The following QTMAN variants were observed in gnomAD, a reference collection of about 807,000 sequenced individuals.
QTMAN encodes the protein tRNA-queuosine alpha-mannosyltransferase.
At chr2:144,174,502 T>C in the QTMAN span, among the ~76,000 whole-genome samples, 1 of 152,196 alleles carries the variant, frequency 6.6e-6, no homozygotes, top group African/African-American at 2.4e-5. Context: ...TTACTTCATA[T>C]TGGTTGGAAC....
At chr2:144,078,588 A>C in the QTMAN span, among the ~76,000 whole-genome samples, 1 of 152,198 alleles carries the variant, frequency 6.6e-6, no homozygotes, top group Non-Finnish European at 1.5e-5. Flanking sequence ...CTGCAAGTCA[A>C]AGGGTAGAAA....
At chr2:144,267,213 CT>C in the QTMAN span, among the ~76,000 whole-genome samples, 3 of 152,128 alleles carry the variant, frequency 2.0e-5, no homozygotes, top group African/African-American at 7.2e-5. Context: ...TATGATTTAT[CT>C]GTGATACAAA....
chr2:143,950,468 G>T, the QTMAN span, among the ~76,000 whole-genome samples: 1 of 151,650 alleles, frequency 6.6e-6, no homozygotes, highest in South Asian at 2.1e-4. Flanking sequence ...ATTTGCAGAG[G>T]TTTAAAATTT....
chr2:143,999,283 C>T, the QTMAN span, among the ~76,000 whole-genome samples: 1 of 151,950 alleles, frequency 6.6e-6, no homozygotes, highest in African/African-American at 2.4e-5. Flanking sequence ...GGGATTAACA[C>T]TTCACCAGAA....
the QTMAN span, among the ~76,000 whole-genome samples, chr2:143,952,250 A>G: frequency 6.6e-6 from 1 of 151,640 alleles, no homozygotes; most frequent in African/African-American, 2.4e-5. Flanking sequence ...GCTAAATAAG[A>G]CTGTGTAGTT....
At chr2:144,051,723 T>A in the QTMAN span, among the ~76,000 whole-genome samples, 4 of 151,904 alleles carry the variant, frequency 2.6e-5, no homozygotes, top group African/African-American at 7.3e-5. Context: ...CATGAAGAAG[T>A]AGAAAGCACT....
chr2:144,001,335 GT>G, the QTMAN span, among the ~76,000 whole-genome samples: 1 of 151,874 alleles, frequency 6.6e-6, no homozygotes, highest in Non-Finnish European at 1.5e-5. Flanking sequence ...TATGGTACAT[GT>G]TTTACTTCAG....
chr2:143,957,202 C>T, the QTMAN span: 1 of 1,586,866 alleles, frequency 6.3e-7, no homozygotes, highest in Non-Finnish European at 8.5e-7. Context: ...TACATTGCCA[C>T]TCCAAAGAAT....
chr2:144,050,224 A>G, the QTMAN span, among the ~76,000 whole-genome samples: 1 of 152,144 alleles, frequency 6.6e-6, no homozygotes, highest in African/African-American at 2.4e-5. Flanking sequence ...AATAAGGTAA[A>G]TTGTTAGAGC....
chr2:143,969,682 C>A, the QTMAN span, among the ~76,000 whole-genome samples: 1 of 152,162 alleles, frequency 6.6e-6, no homozygotes, highest in Non-Finnish European at 1.5e-5. Flanking sequence ...TGCCCCTGAG[C>A]TGAGATCAAA....
At chr2:144,294,518 G>A in the QTMAN span, 1 of 152,264 alleles carries the variant, frequency 6.6e-6, no homozygotes, top group South Asian at 2.1e-4. Flanking sequence ...TATTCATTAA[G>A]TATCCATCAA....
the QTMAN span, among the ~76,000 whole-genome samples, chr2:144,185,622 G>A: frequency 3.4e-4 from 51 of 152,186 alleles, no homozygotes; most frequent in African/African-American, 1.2e-3. Context: ...TTGAAGTCTC[G>A]AGAGCTACTG....
At chr2:143,966,804 T>G in the QTMAN span, among the ~76,000 whole-genome samples, 1 of 152,186 alleles carries the variant, frequency 6.6e-6, no homozygotes, top group Non-Finnish European at 1.5e-5. Context: ...ATCAACAGTA[T>G]AGAGACTCTA....
chr2:143,971,264 G>A, the QTMAN span, among the ~76,000 whole-genome samples: 4 of 151,894 alleles, frequency 2.6e-5, no homozygotes, highest in African/African-American at 4.8e-5. Context: ...CACAAGGAAC[G>A]CACAATTTAG....
the QTMAN span, among the ~76,000 whole-genome samples, chr2:144,198,835 C>CA: frequency 6.6e-6 from 1 of 152,164 alleles, no homozygotes; most frequent in Non-Finnish European, 1.5e-5. Flanking sequence ...CCTGATCTCC[C>CA]ATAACTCCTC....
chr2:144,037,198 T>C, the QTMAN span, among the ~76,000 whole-genome samples: 36 of 152,206 alleles, frequency 2.4e-4, no homozygotes, highest in African/African-American at 8.2e-4. Flanking sequence ...AATAGAAGTG[T>C]TTTAGAACTA....
the QTMAN span, among the ~76,000 whole-genome samples, chr2:144,247,895 T>A: frequency 3.3e-5 from 5 of 152,196 alleles, no homozygotes. Flanking sequence ...TTCACCATAC[T>A]GCCCAGGCTG....
chr2:144,269,586 T>A, the QTMAN span, among the ~76,000 whole-genome samples: 2 of 152,318 alleles, frequency 1.3e-5, no homozygotes, highest in East Asian at 3.9e-4. Flanking sequence ...CAATTATAAC[T>A]GATTTTATAC....
the QTMAN span, among the ~76,000 whole-genome samples, chr2:144,156,582 T>A: frequency 6.6e-6 from 1 of 151,850 alleles, no homozygotes; most frequent in African/African-American, 2.4e-5. Flanking sequence ...ACCCCATATA[T>A]CACAGAGGGG....
Sources: gnomAD v4.1 joint callset for allele counts (sites outside exome capture counted in the v4.1 genomes callset) on GRCh38, gnomAD v4.1.1 for gene constraint, MANE v1.5 for transcripts, NCBI Gene and HGNC (gene_info 2026-07-23, HGNC 2026-07-21) for gene names.